Variants in PRKN observed in about 807,000 individuals in gnomAD.
PRKN encodes the protein E3 ubiquitin-protein ligase parkin.
Under a neutral mutation model 59.5 loss-of-function variants are expected in PRKN, and 56 were observed. That is an observed-to-expected ratio of 0.94 (90% CI 0.76 to 1.18). The LOEUF (loss-of-function observed/expected upper bound fraction) is 1.18. Ranked by LOEUF, PRKN falls within the 50% of genes most tolerant of loss-of-function variation. The probability of loss-of-function intolerance (pLI) is 0.00; values close to 1 mark genes in which losing one functional copy is unlikely to be tolerated. For missense variants in PRKN, 657 were observed against 596.4 expected, an observed-to-expected ratio of 1.10 and a Z score of -1.06; for synonymous variants, 250 against 222.1, an observed-to-expected ratio of 1.13 and a Z score of -1.12.
At position 161,348,190 on chromosome 6, in the gene PRKN, C is replaced by T. The variant is rs148426411; in HGVS notation, c.*1909G>A. On this transcript the variant is annotated 3_prime_UTR_variant, in exon 12 of 12. Transcript: ENST00000366898. The surrounding 1 kb of genome is among the most constrained non-coding windows in gnomAD (Gnocchi z 4.9). Reference sequence around the variant, plus strand: ...GACAGAAGGGAGCCACCTGATTTGTCGCATCGGGCCAGTGTAAGGAAGTGT... The same window carrying T: ...GACAGAAGGGAGCCACCTGATTTGTTGCATCGGGCCAGTGTAAGGAAGTGT... The T allele has an allele frequency of 5.0e-3, 1,021 of 203,574 alleles. 8 individuals carry two copies. The highest frequency in any genetic ancestry group is 0.022 in the African/African-American group (947 of 43,614). The allele number at this position is 203,574 out of a possible 1,614,324, so 12.6% of individuals were successfully genotyped here.
intron 1 of PRKN, among the ~76,000 whole-genome samples, chr6:162,625,527 G>T (rs537517145): frequency 6.6e-6 from 1 of 152,198 alleles, no homozygotes; most frequent in South Asian, 2.1e-4. Flanking sequence ...TTTACTCAAT[G>T]TCACTTTCTC....
chr6:162,427,646 T>G (rs1004018673), intron 2 of PRKN, among the ~76,000 whole-genome samples: 34 of 149,380 alleles, frequency 2.3e-4, no homozygotes, highest in Non-Finnish European at 1.3e-4. Flanking sequence ...AAATAAATGT[T>G]TTTTTTTCTT....
intron 2 of PRKN, among the ~76,000 whole-genome samples, chr6:162,384,653 A>AAAC (rs1554311132): frequency 1.5e-5 from 2 of 135,516 alleles, no homozygotes; most frequent in African/African-American, 2.6e-5. Context: ...TTTGTAAAAA[A>AAAC]AAAAAAAAAC....
intron 6 of PRKN, among the ~76,000 whole-genome samples, chr6:161,847,279 G>C (rs1472874886): frequency 6.6e-6 from 1 of 152,068 alleles, no homozygotes; most frequent in Admixed American, 6.6e-5. Flanking sequence ...CTGTAGTCCA[G>C]CCTGGTGACA....
At chr6:161,984,349 G>T (rs78872432) in intron 5 of PRKN, among the ~76,000 whole-genome samples, 13,500 of 152,086 alleles carry the variant, frequency 0.089, 712 homozygotes, top group African/African-American at 0.13. Flanking sequence ...CCTCCGTCCC[G>T]TGGGTTCAAG....
chr6:162,373,251 T>C (rs530887432), intron 2 of PRKN, among the ~76,000 whole-genome samples: 1 of 152,230 alleles, frequency 6.6e-6, no homozygotes, highest in African/African-American at 2.4e-5. Flanking sequence ...TTAAGTTTTC[T>C]TTTGAGAAAA....
At chr6:161,998,919 G>C (rs1417310464) in intron 5 of PRKN, among the ~76,000 whole-genome samples, 1 of 152,094 alleles carries the variant, frequency 6.6e-6, no homozygotes, top group Non-Finnish European at 1.5e-5. Context: ...AGTGTGAACT[G>C]AGTATGTGTG....
intron 1 of PRKN, among the ~76,000 whole-genome samples, chr6:162,643,412 A>G (rs9456803): frequency 5.0e-5 from 7 of 139,610 alleles, no homozygotes; most frequent in African/African-American, 7.6e-5. Context: ...AAAAAAAAAA[A>G]AAAGAAAGAA....
intron 10 of PRKN, among the ~76,000 whole-genome samples, chr6:161,374,934 G>C (rs1250365891): frequency 6.6e-6 from 1 of 152,114 alleles, no homozygotes; most frequent in Non-Finnish European, 1.5e-5. Context: ...AACCCCTCTG[G>C]AATCCAAAAG....
chr6:162,050,867 C>T (rs976814048), intron 5 of PRKN, among the ~76,000 whole-genome samples: 1 of 152,076 alleles, frequency 6.6e-6, no homozygotes, highest in African/African-American at 2.4e-5. Context: ...GATGAGAAGC[C>T]AGGGTACTGA....
chr6:161,557,842 G>A (rs1213671115), intron 8 of PRKN, among the ~76,000 whole-genome samples: 1 of 152,144 alleles, frequency 6.6e-6, no homozygotes, highest in Non-Finnish European at 1.5e-5. Context: ...TTGATTTTGT[G>A]CTGTCATAGT....
chr6:162,491,025 C>A (rs1792786174), intron 1 of PRKN, among the ~76,000 whole-genome samples: 1 of 151,952 alleles, frequency 6.6e-6, no homozygotes, highest in Non-Finnish European at 1.5e-5. Context: ...ATCGCTTGAA[C>A]CCAGGAGGCG....
intron 9 of PRKN, among the ~76,000 whole-genome samples, chr6:161,472,587 C>T (rs1406025234): frequency 6.6e-6 from 1 of 152,102 alleles, no homozygotes. Context: ...ACCCCATCGC[C>T]TTGGCAATAA....
chr6:162,413,450 G>T (rs79117412), intron 2 of PRKN, among the ~76,000 whole-genome samples: 5,898 of 152,226 alleles, frequency 0.039, 192 homozygotes, highest in Middle Eastern at 0.058. Context: ...ATAGAAAAAA[G>T]TTAATAAGCT....
intron 9 of PRKN, among the ~76,000 whole-genome samples, chr6:161,464,772 T>C (rs544649706): frequency 6.6e-6 from 1 of 152,344 alleles, no homozygotes; most frequent in Non-Finnish European, 1.5e-5. Context: ...AATTCTGACA[T>C]ACAGGCCCCT....
At position 161,946,414 on chromosome 6, in the gene PRKN, A is replaced by ACACACACACACACACT. The variant is rs1247187053; in HGVS notation, c.734+26887_734+26888insAGTGTGTGTGTGTGTG. On this transcript the variant is annotated intron_variant, in intron 6 of 11. Coordinates refer to ENST00000366898, the MANE Select transcript of PRKN (RefSeq NM_004562.3). ...CACACACACACACACACACACACAC[A>ACACACACACACACACT]CTCTCTCTCTCTCTCTCTCTCTCTC... Among the ~76,000 whole-genome samples the ACACACACACACACACT allele has an allele frequency of 8.1e-3, 922 of 114,388 alleles. 3 individuals carry two copies. The highest frequency in any genetic ancestry group is 0.011 in the African/African-American group (296 of 27,050). 75.0% of individuals were successfully genotyped at this position (114,388 alleles called of 152,430 possible).
intron 2 of PRKN, among the ~76,000 whole-genome samples, chr6:162,303,985 T>C (rs1782089562): frequency 6.6e-6 from 1 of 151,924 alleles, no homozygotes; most frequent in Non-Finnish European, 1.5e-5. Flanking sequence ...TCCAAATACA[T>C]TCAGTCAACA....
At chr6:162,702,099 G>A (rs76701553) in intron 1 of PRKN, among the ~76,000 whole-genome samples, 2 of 152,016 alleles carry the variant, frequency 1.3e-5, no homozygotes, top group Middle Eastern at 3.4e-3. Flanking sequence ...GAAAACTATC[G>A]TGACAATTGT....
intron 1 of PRKN, among the ~76,000 whole-genome samples, chr6:162,469,839 A>G (rs9365441): frequency 0.3 from 45,154 of 151,840 alleles, 6,928 homozygotes; most frequent in East Asian, 0.44. Flanking sequence ...AAGAACTTAC[A>G]CATGTAGCCA....
Sources: gnomAD v4.1 joint callset for allele counts (sites outside exome capture counted in the v4.1 genomes callset) on GRCh38, gnomAD v4.1.1 for gene constraint, Gnocchi (gnomAD v3.1) non-coding constraint, MANE v1.5 for transcripts, NCBI Gene and HGNC (gene_info 2026-07-23, HGNC 2026-07-21) for gene names.